Variants in MAPK10 observed in about 807,000 individuals in gnomAD.
MAPK10 encodes the protein JNK3 alpha protein kinase.
In MAPK10, 25 loss-of-function variants were observed where a neutral mutation model predicts 59.3. The observed-to-expected ratio is 0.42, with a 90% CI of 0.31 to 0.59. The LOEUF (loss-of-function observed/expected upper bound fraction) is 0.59. Ranked by LOEUF, MAPK10 falls within the 20% of genes least tolerant of loss-of-function variation. The pLI, the probability that MAPK10 is intolerant of heterozygous loss-of-function variation, is 0.15. For missense variants in MAPK10, 351 were observed against 568.9 expected, an observed-to-expected ratio of 0.62 and a Z score of 3.90; for synonymous variants, 190 against 200.5, an observed-to-expected ratio of 0.95 and a Z score of 0.44.
In MAPK10 at chr4:86,010,512, G is replaced by T. The variant is rs374282009; in HGVS notation, c.*6716C>A. ...AGAAATGTTTTTGGAGTAAATTAAT[G>T]AACTGCTTTAGAATGTTGCTCAGAA... is the stretch of plus-strand genomic sequence containing the variant. On this transcript the variant is annotated 3_prime_UTR_variant, in exon 14 of 14. Transcript: ENST00000641462. 5 of 152,120 alleles carry T rather than the reference G, an allele frequency of 3.3e-5. No individual in the cohort carries two copies. The East Asian group carries it at 9.6e-4, about 29-fold the overall frequency. 9.4% of individuals were successfully genotyped at this position (152,120 alleles called of 1,614,324 possible). A position where few individuals can be genotyped will look rare whatever the true frequency, so the allele number is the denominator to read the frequency against.
At chr4:86,474,991 T>A (rs1040420845) in intron 1 of MAPK10, among the ~76,000 whole-genome samples, 2 of 152,218 alleles carry the variant, frequency 1.3e-5, no homozygotes, top group African/African-American at 4.8e-5. Context: ...TGGCTCATCC[T>A]GGCTCAAAAA....
intron 3 of MAPK10, among the ~76,000 whole-genome samples, chr4:86,174,758 G>A (rs908426773): frequency 6.6e-6 from 1 of 152,054 alleles, no homozygotes; most frequent in Admixed American, 6.6e-5. Flanking sequence ...TGAATGACAG[G>A]AAATAAACTT....
At chr4:86,290,450 G>A (rs796651435) in intron 2 of MAPK10, among the ~76,000 whole-genome samples, 25 of 152,278 alleles carry the variant, frequency 1.6e-4, no homozygotes, top group African/African-American at 5.5e-4. Flanking sequence ...ACTGGCAACG[G>A]CCAATCTATC....
intron 3 of MAPK10, among the ~76,000 whole-genome samples, chr4:86,180,931 C>T (rs1355231223): frequency 1.3e-5 from 2 of 151,950 alleles, no homozygotes; most frequent in Non-Finnish European, 2.9e-5. Flanking sequence ...CGGTGTTCTA[C>T]AGCACTGTAG....
At chr4:86,248,434 T>C (rs563516185) in intron 2 of MAPK10, among the ~76,000 whole-genome samples, 13 of 152,214 alleles carry the variant, frequency 8.5e-5, no homozygotes, top group Non-Finnish European at 1.8e-4. Context: ...AATTCATCAT[T>C]CAACATTTAA....
At chr4:86,242,313 G>A (rs1248883846) in intron 2 of MAPK10, among the ~76,000 whole-genome samples, 1 of 152,108 alleles carries the variant, frequency 6.6e-6, no homozygotes, top group East Asian at 1.9e-4. Flanking sequence ...AACCCCTGTT[G>A]GAGGGTCTCA....
At position 86,174,523 on chromosome 4, in the gene MAPK10, G is replaced by A. The variant is rs549324157; in HGVS notation, c.67-15056C>T. On this transcript the variant is annotated intron_variant, in intron 3 of 13. Coordinates refer to ENST00000641462, the MANE Select transcript of MAPK10 (RefSeq NM_138982.4). Reference sequence around the variant, plus strand: ...AATAGCTAATGCATGTGGGTGGGTTGATAGGTGCAGGAAATCATCATGGCA... The same window carrying A: ...AATAGCTAATGCATGTGGGTGGGTTAATAGGTGCAGGAAATCATCATGGCA... Among the ~76,000 whole-genome samples the A allele has an allele frequency of 3.3e-5, 5 of 152,238 alleles. No homozygotes were observed. The South Asian group carries it at 1.0e-3, about 32-fold the overall frequency.
intron 2 of MAPK10, among the ~76,000 whole-genome samples, chr4:86,221,819 C>A (rs1291940909): frequency 5.3e-5 from 8 of 152,108 alleles, no homozygotes; most frequent in Non-Finnish European, 1.0e-4. Context: ...ATTGTAATCC[C>A]TAGTGTTGGA....
chr4:86,358,181 T>C, intron 1 of MAPK10: 1 of 981,722 alleles, frequency 1.0e-6, no homozygotes, highest in Non-Finnish European at 1.2e-6. Context: ...TATTTATTTG[T>C]TATATATTTG....
chr4:86,264,373 T>C (rs1223496316), intron 2 of MAPK10, among the ~76,000 whole-genome samples: 1 of 152,168 alleles, frequency 6.6e-6, no homozygotes. Flanking sequence ...GGCAAATGAA[T>C]TTCACACCAC....
At chr4:86,246,245 C>T (rs550016212) in intron 2 of MAPK10, among the ~76,000 whole-genome samples, 5 of 152,242 alleles carry the variant, frequency 3.3e-5, no homozygotes, top group African/African-American at 1.2e-4. Context: ...TCCTGGCTAA[C>T]AAGGTGAAAT....
intron 4 of MAPK10, among the ~76,000 whole-genome samples, chr4:86,122,762 T>C (rs2059463249): frequency 6.6e-6 from 1 of 152,260 alleles, no homozygotes; most frequent in Admixed American, 6.5e-5. Context: ...CCTTGAAAAT[T>C]GATGTGGATG....
At chr4:86,468,079 C>A (rs1752364733) in intron 1 of MAPK10, among the ~76,000 whole-genome samples, 1 of 152,190 alleles carries the variant, frequency 6.6e-6, no homozygotes, top group Non-Finnish European at 1.5e-5. Context: ...CTCCTTTTCC[C>A]AGGTCCCTGA....
intron 2 of MAPK10, among the ~76,000 whole-genome samples, chr4:86,346,246 T>C (rs1728106117): frequency 1.3e-5 from 2 of 152,172 alleles, no homozygotes; most frequent in Non-Finnish European, 2.9e-5. Flanking sequence ...CTTCACTGGA[T>C]TGATTCCAGG....
intron 1 of MAPK10, among the ~76,000 whole-genome samples, chr4:86,540,114 T>C (rs1758557821): frequency 2.6e-5 from 4 of 152,240 alleles, no homozygotes; most frequent in Admixed American, 6.5e-5. Flanking sequence ...TCAGAGCCAT[T>C]GTCTTTGGGA....
chr4:86,255,967 T>A (rs1321158602), intron 2 of MAPK10, among the ~76,000 whole-genome samples: 1 of 151,676 alleles, frequency 6.6e-6, no homozygotes, highest in South Asian at 2.1e-4. Context: ...AATTAAAAAA[T>A]GGAAGAAGGG....
At chr4:86,083,892 G>A (rs749185449) in intron 9 of MAPK10, among the ~76,000 whole-genome samples, 13 of 152,176 alleles carry the variant, frequency 8.5e-5, no homozygotes, top group Non-Finnish European at 1.5e-4. Flanking sequence ...ACCAGTCAGA[G>A]TTGTGAGGCC....
intron 1 of MAPK10, among the ~76,000 whole-genome samples, chr4:86,544,719 T>C (rs927935593): frequency 6.6e-5 from 10 of 152,238 alleles, no homozygotes; most frequent in African/African-American, 2.4e-4. Context: ...AGTTTGTCTA[T>C]CTGATAAGCT....
chr4:86,238,743 T>G lies in MAPK10; in HGVS notation c.-6-44336A>C, dbSNP rs193054001. On this transcript the variant is annotated intron_variant, in intron 2 of 13. Coordinates refer to ENST00000641462, the MANE Select transcript of MAPK10 (RefSeq NM_138982.4). ...ATTGAGTATCAGTTCAAGAAGTTTTTGGGCTGAGATGATGGGATTTTCTAA... is the reference window on the plus strand; with the variant it reads ...ATTGAGTATCAGTTCAAGAAGTTTTGGGGCTGAGATGATGGGATTTTCTAA... Among the ~76,000 whole-genome samples, 482 of 152,324 alleles carry G rather than the reference T, an allele frequency of 3.2e-3. 2 individuals are homozygous for G. Among genetic ancestry groups the G allele is most frequent in the African/African-American group, 0.011 (468 of 41,598 alleles).
Sources: gnomAD v4.1 joint callset for allele counts (sites outside exome capture counted in the v4.1 genomes callset) on GRCh38, gnomAD v4.1.1 for gene constraint, MANE v1.5 for transcripts, NCBI Gene and HGNC (gene_info 2026-07-23, HGNC 2026-07-21) for gene names.